The following PCDH9 variants were observed in gnomAD, a reference collection of about 807,000 sequenced individuals.
PCDH9 encodes protocadherin 9.
A neutral mutation model predicts 70.6 loss-of-function variants in PCDH9; 24 were observed. The observed-to-expected ratio is 0.34, with a 90% CI of 0.25 to 0.48. The LOEUF (loss-of-function observed/expected upper bound fraction) is 0.48, where lower values mean the gene tolerates loss of function less well. Ranked by LOEUF, PCDH9 falls within the 20% of genes least tolerant of loss-of-function variation. The probability of loss-of-function intolerance (pLI) is 0.99; values close to 1 mark genes in which losing one functional copy is unlikely to be tolerated. For synonymous variants in PCDH9, 562 were observed against 558.5 expected, an observed-to-expected ratio of 1.01 and a Z score of -0.09; for missense variants, 1,281 against 1,503.6, an observed-to-expected ratio of 0.85 and a Z score of 2.45.
intron 3 of PCDH9, among the ~76,000 whole-genome samples, chr13:66,704,806 G>T (rs1295506130): frequency 6.6e-6 from 1 of 151,934 alleles, no homozygotes; most frequent in Admixed American, 6.6e-5. Flanking sequence ...GTGGTGTAAG[G>T]CACTTAATTT....
intron 2 of PCDH9, among the ~76,000 whole-genome samples, chr13:67,141,545 A>AG (rs1415428873): frequency 6.6e-6 from 1 of 151,926 alleles, no homozygotes; most frequent in East Asian, 1.9e-4. Context: ...GGTTCAAGTG[A>AG]TTCTCCTGCC....
intron 4 of PCDH9, chr13:66,306,358 C>T (rs1432459947): frequency 6.7e-6 from 1 of 150,144 alleles, no homozygotes; most frequent in Non-Finnish European, 1.5e-5. Flanking sequence ...AGACAGGAAA[C>T]AGTTGATGGT....
chr13:67,126,046 T>C (rs947314219), intron 2 of PCDH9, among the ~76,000 whole-genome samples: 6 of 152,190 alleles, frequency 3.9e-5, no homozygotes, highest in Admixed American at 6.5e-5. Context: ...ATTTTCCTGA[T>C]GAGAAATTGA....
intron 4 of PCDH9, among the ~76,000 whole-genome samples, chr13:66,502,292 T>A (rs966730404): frequency 6.6e-6 from 1 of 152,170 alleles, no homozygotes; most frequent in Non-Finnish European, 1.5e-5. Flanking sequence ...ACACATGTAC[T>A]TTTTACATTT....
intron 2 of PCDH9, among the ~76,000 whole-genome samples, chr13:66,910,748 G>T (rs564265490): frequency 6.6e-6 from 1 of 152,168 alleles, no homozygotes; most frequent in South Asian, 2.1e-4. Context: ...TTAATAAAAT[G>T]TTTAGGTGCC....
chr13:66,745,850 A>G (rs17081688), intron 3 of PCDH9, among the ~76,000 whole-genome samples: 7,255 of 152,266 alleles, frequency 0.048, 562 homozygotes, highest in African/African-American at 0.16. Context: ...CGGATTAATT[A>G]TCACAGCAAG....
At chr13:66,990,269 T>A (rs529336242) in intron 2 of PCDH9, among the ~76,000 whole-genome samples, 28 of 151,920 alleles carry the variant, frequency 1.8e-4, no homozygotes, top group African/African-American at 6.7e-4. Context: ...TAAACAATTA[T>A]AAGCAACAAA....
intron 3 of PCDH9, among the ~76,000 whole-genome samples, chr13:66,749,188 T>C (rs2079419387): frequency 6.6e-6 from 1 of 152,110 alleles, no homozygotes; most frequent in Admixed American, 6.6e-5. Flanking sequence ...GACTAATACA[T>C]TCTCAAAATT....
At chr13:66,922,216 T>G (rs1318024712) in intron 2 of PCDH9, among the ~76,000 whole-genome samples, 1 of 151,356 alleles carries the variant, frequency 6.6e-6, no homozygotes, top group Non-Finnish European at 1.5e-5. Context: ...ATAATACAAA[T>G]GTACTTCATC....
chr13:66,356,227 G>A (rs1322184335), intron 4 of PCDH9, among the ~76,000 whole-genome samples: 1 of 152,090 alleles, frequency 6.6e-6, no homozygotes, highest in African/African-American at 2.4e-5. Flanking sequence ...TCAAATTACA[G>A]CTTTAAAATC....
chr13:67,056,229 G>A (rs914251836), intron 2 of PCDH9, among the ~76,000 whole-genome samples: 1 of 152,148 alleles, frequency 6.6e-6, no homozygotes, highest in African/African-American at 2.4e-5. Context: ...GTAGAAGAAT[G>A]TTTGGCACTT....
intron 3 of PCDH9, among the ~76,000 whole-genome samples, chr13:66,846,199 C>T (rs367648097): frequency 6.8e-6 from 1 of 146,818 alleles, no homozygotes; most frequent in African/African-American, 2.5e-5. Context: ...GAGCTAAATA[C>T]AGGATACTGG....
intron 2 of PCDH9, among the ~76,000 whole-genome samples, chr13:67,086,004 T>C (rs564774115): frequency 3.9e-5 from 6 of 152,260 alleles, no homozygotes; most frequent in African/African-American, 1.2e-4. Flanking sequence ...TATAGTTTTC[T>C]CCCTAATCAT....
At chr13:66,341,157 T>C (rs1956117293) in intron 4 of PCDH9, among the ~76,000 whole-genome samples, 1 of 152,170 alleles carries the variant, frequency 6.6e-6, no homozygotes, top group Non-Finnish European at 1.5e-5. Context: ...ACAGTCTCAC[T>C]CATGACTCAC....
chr13:66,700,923 AATATATATATATAT>A (rs58852431), intron 3 of PCDH9, among the ~76,000 whole-genome samples: 3,137 of 58,490 alleles, frequency 0.054, 119 homozygotes, highest in Middle Eastern at 0.073. Flanking sequence ...TGTACATATA[AATATATATATATAT>A]ATATATATAT....
intron 4 of PCDH9, among the ~76,000 whole-genome samples, chr13:66,437,064 C>G (rs1193039264): frequency 6.6e-6 from 1 of 150,980 alleles, no homozygotes; most frequent in South Asian, 2.1e-4. Context: ...AAGCAGGAAT[C>G]TAGAATGCCT....
intron 3 of PCDH9, among the ~76,000 whole-genome samples, chr13:66,704,103 G>C (rs1290708612): frequency 6.6e-6 from 1 of 152,060 alleles, no homozygotes; most frequent in Admixed American, 6.5e-5. Flanking sequence ...GTTAAAACAA[G>C]AATTTTTCAA....
intron 2 of PCDH9, among the ~76,000 whole-genome samples, chr13:67,189,557 G>T (rs1438669701): frequency 6.6e-6 from 1 of 151,782 alleles, no homozygotes; most frequent in South Asian, 2.1e-4. Context: ...ACAAGGATAC[G>T]GCTTAACTGC....
At chr13:66,669,137 G>A (rs544366073) in intron 3 of PCDH9, among the ~76,000 whole-genome samples, 3 of 152,152 alleles carry the variant, frequency 2.0e-5, no homozygotes, top group Non-Finnish European at 4.4e-5. Context: ...GCTACATCAT[G>A]AATTTTGTTT....
Sources: gnomAD v4.1 joint callset for allele counts (sites outside exome capture counted in the v4.1 genomes callset) on GRCh38, gnomAD v4.1.1 for gene constraint, MANE v1.5 for transcripts, NCBI Gene and HGNC (gene_info 2026-07-23, HGNC 2026-07-21) for gene names.